Variants in EDIL3 observed in about 807,000 individuals in gnomAD.
EDIL3 encodes EGF-like repeat and discoidin I-like domain-containing protein 3.
EDIL3 carries 37 observed loss-of-function variants against 67.4 expected under a neutral mutation model. That is an observed-to-expected ratio of 0.55 (90% CI 0.42 to 0.72). The LOEUF is 0.72. Among genes scored for constraint, EDIL3 ranks in the 30% least tolerant of loss-of-function variants. EDIL3 has a pLI of 0.00. For synonymous variants in EDIL3, 195 were observed against 196.3 expected, an observed-to-expected ratio of 0.99 and a Z score of 0.05; for missense variants, 527 against 586.3, an observed-to-expected ratio of 0.90 and a Z score of 1.04.
At chr5:84,211,358 G>A (rs1744114242) in intron 3 of EDIL3, among the ~76,000 whole-genome samples, 1 of 152,200 alleles carries the variant, frequency 6.6e-6, no homozygotes, top group Admixed American at 6.5e-5. Context: ...ATAACTGGAA[G>A]CAGTCTGAGG....
intron 6 of EDIL3, among the ~76,000 whole-genome samples, chr5:84,105,933 C>T (rs941665495): frequency 2.0e-5 from 3 of 152,058 alleles, no homozygotes; most frequent in Non-Finnish European, 4.4e-5. Flanking sequence ...CTTTAGTACA[C>T]ATCAATGACT....
chr5:84,081,597 A>G (rs1258430639), intron 6 of EDIL3, among the ~76,000 whole-genome samples: 1 of 152,150 alleles, frequency 6.6e-6, no homozygotes, highest in Admixed American at 6.6e-5. Context: ...TAAGTGTGCT[A>G]TGAAGGGGAG....
At chr5:84,362,573 G>GTTGGT (rs1747631410) in intron 1 of EDIL3, among the ~76,000 whole-genome samples, 1 of 152,038 alleles carries the variant, frequency 6.6e-6, no homozygotes, top group African/African-American at 2.4e-5. Context: ...ACAAACCTGA[G>GTTGGT]AAGTCCCTGT....
intron 1 of EDIL3, among the ~76,000 whole-genome samples, chr5:84,276,736 AT>A (rs541854332): frequency 1.2e-4 from 17 of 147,640 alleles, no homozygotes; most frequent in South Asian, 1.1e-3. Flanking sequence ...GCTCGGCTAA[AT>A]TTTTTTTTTT....
chr5:84,062,015 C>T (rs1746552635), intron 8 of EDIL3, among the ~76,000 whole-genome samples: 1 of 152,064 alleles, frequency 6.6e-6, no homozygotes, highest in Non-Finnish European at 1.5e-5. Context: ...TATTTCCCTT[C>T]ACCTCCACCA....
chr5:84,134,808 G>A (rs1164586385), intron 5 of EDIL3, among the ~76,000 whole-genome samples: 1 of 152,092 alleles, frequency 6.6e-6, no homozygotes, highest in Non-Finnish European at 1.5e-5. Flanking sequence ...CTCTTTGTCA[G>A]CACACGGAGA....
intron 10 of EDIL3, among the ~76,000 whole-genome samples, chr5:83,952,521 A>G (rs1370394701): frequency 6.6e-6 from 1 of 151,832 alleles, no homozygotes; most frequent in African/African-American, 2.4e-5. Flanking sequence ...CTTTTCAAAG[A>G]CATCTCCAGG....
chr5:83,976,816 T>C (rs1472460070), intron 9 of EDIL3, among the ~76,000 whole-genome samples: 2 of 151,796 alleles, frequency 1.3e-5, no homozygotes, highest in African/African-American at 4.8e-5. Flanking sequence ...TAATATTTAG[T>C]CTTGTCATAA....
intron 4 of EDIL3, among the ~76,000 whole-genome samples, chr5:84,166,268 G>A (rs1200979845): frequency 6.6e-6 from 1 of 152,178 alleles, no homozygotes; most frequent in African/African-American, 2.4e-5. Context: ...CCTCTTGTTA[G>A]AGGAAGTATT....
Position 84,217,888 on chromosome 5 carries a change from T to A in EDIL3, c.226+11967A>T, listed in dbSNP as rs1376327992. Among the ~76,000 whole-genome samples the A allele has an allele frequency of 2.6e-5, 4 of 152,182 alleles. No homozygotes were observed. The East Asian group carries it at 7.7e-4, about 29-fold the overall frequency. ...TTAATAACCGTATTTTTATTACTTT[T>A]TTAACTTTGATGCTTTTCCAGTGCT... On this transcript the variant is annotated intron_variant, in intron 3 of 10. Coordinates refer to ENST00000296591, the MANE Select transcript of EDIL3 (RefSeq NM_005711.5).
At chr5:84,181,653 T>C (rs1749014922) in intron 3 of EDIL3, among the ~76,000 whole-genome samples, 1 of 152,144 alleles carries the variant, frequency 6.6e-6, no homozygotes. Context: ...CACTTTTAAT[T>C]CTATCTTACA....
intron 3 of EDIL3, among the ~76,000 whole-genome samples, chr5:84,180,825 C>T (rs1325797570): frequency 6.6e-6 from 1 of 152,096 alleles, no homozygotes; most frequent in African/African-American, 2.4e-5. Flanking sequence ...AGAGTTCATA[C>T]ATATAAAATA....
At chr5:84,264,058 AAACCC>A (rs1235963113) in intron 1 of EDIL3, among the ~76,000 whole-genome samples, 1 of 152,138 alleles carries the variant, frequency 6.6e-6, no homozygotes, top group Non-Finnish European at 1.5e-5. Flanking sequence ...CAACATGGTG[AAACCC>A]TGTTGAGTTA....
At chr5:84,175,746 T>C (rs1211153804) in intron 4 of EDIL3, among the ~76,000 whole-genome samples, 2 of 152,114 alleles carry the variant, frequency 1.3e-5, no homozygotes, top group African/African-American at 2.4e-5. Flanking sequence ...TCCTCCAGTA[T>C]CATTTGGTGA....
At chr5:83,973,160 T>C (rs1246911977) in intron 9 of EDIL3, among the ~76,000 whole-genome samples, 1 of 152,054 alleles carries the variant, frequency 6.6e-6, no homozygotes, top group Admixed American at 6.6e-5. Flanking sequence ...CTTCCTTATT[T>C]GCCTTTCAAG....
At chr5:84,106,951 T>C (rs1163583605) in intron 5 of EDIL3, 121 bp from the exon 6 acceptor site, 5 of 1,066,472 alleles carry the variant, frequency 4.7e-6, no homozygotes, top group African/African-American at 1.6e-5. Flanking sequence ...TGCTATTTAC[T>C]CTTCATCCCC....
chr5:84,266,525 T>C (rs1285363900), intron 1 of EDIL3, among the ~76,000 whole-genome samples: 1 of 152,210 alleles, frequency 6.6e-6, no homozygotes, highest in Non-Finnish European at 1.5e-5. Context: ...TCATCTTGGG[T>C]ACAGGGCTTC....
intron 1 of EDIL3, among the ~76,000 whole-genome samples, chr5:84,349,806 TATATTGCATGCA>T (rs1313071728): frequency 6.6e-6 from 1 of 152,160 alleles, no homozygotes; most frequent in Non-Finnish European, 1.5e-5. Flanking sequence ...TTTTGATGTT[TATATTGCATGCA>T]ATATTATAGA....
Position 84,104,979 on chromosome 5 carries a change from T to C in EDIL3, c.651+1670A>G, listed in dbSNP as rs953614257. ...AATTTGCCAAACAGAAACCCTGATG[T>C]AAACTGGTGATATCATCTCTCAACT... is the stretch of plus-strand genomic sequence containing the variant. On this transcript the variant is annotated intron_variant, in intron 6 of 10. Transcript: ENST00000296591. Among the ~76,000 whole-genome samples, 14 of 152,048 alleles carry C rather than the reference T, an allele frequency of 9.2e-5. 1 individual carries two copies. The highest frequency in any genetic ancestry group is 9.2e-4 in the Admixed American group (14 of 15,208).
Sources: gnomAD v4.1 joint callset for allele counts (sites outside exome capture counted in the v4.1 genomes callset) on GRCh38, gnomAD v4.1.1 for gene constraint, MANE v1.5 for transcripts, NCBI Gene and HGNC (gene_info 2026-07-23, HGNC 2026-07-21) for gene names.